AFAP1L1: variants seen among roughly 807,000 people sequenced by gnomAD.
AFAP1L1 encodes actin filament associated protein 1 like 1, also known as actin filament-associated protein 1-like 1.
AFAP1L1 carries 77 observed loss-of-function variants against 99.8 expected under a neutral mutation model. That is an observed-to-expected ratio of 0.77 (90% CI 0.64 to 0.93). The LOEUF is 0.93. AFAP1L1 is among the 40% of genes least tolerant of loss of function. The pLI, the probability that AFAP1L1 is intolerant of heterozygous loss-of-function variation, is 0.00. For missense variants in AFAP1L1, 893 were observed against 996.8 expected, an observed-to-expected ratio of 0.90 and a Z score of 1.40; for synonymous variants, 373 against 395.3, an observed-to-expected ratio of 0.94 and a Z score of 0.67.
intron 18 of AFAP1L1, among the ~76,000 whole-genome samples, chr5:149,338,559 C>T (rs1212072385): frequency 6.6e-6 from 1 of 152,170 alleles, no homozygotes; most frequent in African/African-American, 2.4e-5. Context: ...TTTATTCTTT[C>T]CTACAGTTAG....
At chr5:149,314,342 G>A (rs1308914671) in intron 9 of AFAP1L1, among the ~76,000 whole-genome samples, 2 of 152,194 alleles carry the variant, frequency 1.3e-5, no homozygotes, top group Admixed American at 6.5e-5. Flanking sequence ...TGAAAGATGT[G>A]TAGAGGGGAA....
At chr5:149,304,482 T>C (rs168465) in intron 5 of AFAP1L1, among the ~76,000 whole-genome samples, 140,708 of 152,244 alleles carry the variant, frequency 0.92, 65,116 homozygotes, top group East Asian at 1. Context: ...CTATATGGGG[T>C]TCCTTCACCT....
intron 9 of AFAP1L1, among the ~76,000 whole-genome samples, chr5:149,313,281 A>G (rs1756694266): frequency 6.6e-6 from 1 of 152,214 alleles, no homozygotes; most frequent in Admixed American, 6.5e-5. Context: ...TCCTCCCCTT[A>G]AGGAGATTAC....
intron 3 of AFAP1L1, 123 bp from the exon 4 acceptor site, chr5:149,301,010 T>C (rs934075770): frequency 2.8e-6 from 2 of 710,220 alleles, no homozygotes; most frequent in Admixed American, 4.4e-5. Context: ...TTAGGGTTAC[T>C]AACGGAGGGG....
intron 5 of AFAP1L1, among the ~76,000 whole-genome samples, chr5:149,305,766 G>A (rs1756385627): frequency 6.6e-6 from 1 of 152,126 alleles, no homozygotes; most frequent in African/African-American, 2.4e-5. Context: ...GGAAGTAAGA[G>A]GAAGGGCTGA....
chr5:149,279,233 AAC>A (rs1192050729), intron 1 of AFAP1L1, among the ~76,000 whole-genome samples: 5 of 152,242 alleles, frequency 3.3e-5, no homozygotes, highest in African/African-American at 1.2e-4. Flanking sequence ...AAGGAGATTA[AAC>A]AGAGGCCAGT....
intron 8 of AFAP1L1, 75 bp downstream of exon 8, chr5:149,310,210 G>A: frequency 4.1e-6 from 6 of 1,466,464 alleles, no homozygotes. Flanking sequence ...AGTAGAGCTG[G>A]CTCCTGTCCC....
At chr5:149,338,655 C>T (rs1757474231) in intron 18 of AFAP1L1, among the ~76,000 whole-genome samples, 1 of 152,266 alleles carries the variant, frequency 6.6e-6, no homozygotes, top group Admixed American at 6.5e-5. Flanking sequence ...CAAAAAAGTC[C>T]CTGGTCTCAT....
chr5:149,333,324 G>C (rs1467475614), intron 17 of AFAP1L1, among the ~76,000 whole-genome samples: 1 of 152,196 alleles, frequency 6.6e-6, no homozygotes, highest in Non-Finnish European at 1.5e-5. Context: ...ACTTGCTCAA[G>C]GTCACTCCAT....
chr5:149,280,317 G>A (rs1755476084), intron 1 of AFAP1L1, among the ~76,000 whole-genome samples: 1 of 152,084 alleles, frequency 6.6e-6, no homozygotes, highest in African/African-American at 2.4e-5. Flanking sequence ...TCCTGTTTCT[G>A]CTCTTGCCCT....
At chr5:149,294,061 A>G (rs1755945932) in intron 1 of AFAP1L1, among the ~76,000 whole-genome samples, 1 of 152,154 alleles carries the variant, frequency 6.6e-6, no homozygotes, top group African/African-American at 2.4e-5. Flanking sequence ...ATAACTAATG[A>G]TATTTTTTTA....
intron 12 of AFAP1L1, 58 bp downstream of exon 12, chr5:149,317,998 T>C: frequency 6.6e-7 from 1 of 1,526,176 alleles, no homozygotes; most frequent in East Asian, 2.5e-5. Flanking sequence ...GGCCTGAGTG[T>C]CATGTTTTTG....
chr5:149,301,245 G>A lies in AFAP1L1; in HGVS notation c.327+15G>A, dbSNP rs1756200355. On this transcript the variant is annotated intron_variant, in intron 4 of 18. Transcript: ENST00000296721. ...GCCTGAGAAACGTGAGTCATGGCCT[G>A]GGTTCCCACACCTCAGGGCCTCTGT... The A allele has an allele frequency of 1.2e-6, 2 of 1,612,432 alleles. No individual in the cohort carries two copies. Among genetic ancestry groups the A allele is most frequent in the African/African-American group, 1.3e-5 (1 of 74,874 alleles).
chr5:149,328,019 A>T (rs1757144210), intron 15 of AFAP1L1, among the ~76,000 whole-genome samples: 1 of 152,268 alleles, frequency 6.6e-6, no homozygotes, highest in South Asian at 2.1e-4. Flanking sequence ...AATACCAAAG[A>T]CAAGGAAAAA....
At chr5:149,330,027 G>A (rs898980051) in intron 16 of AFAP1L1, among the ~76,000 whole-genome samples, 197 bp downstream of exon 16, 1 of 151,962 alleles carries the variant, frequency 6.6e-6, no homozygotes, top group Admixed American at 6.5e-5. Flanking sequence ...ATTAAAGAAA[G>A]TGCCATCAAT....
intron 2 of AFAP1L1, 146 bp from the exon 3 acceptor site, chr5:149,300,125 G>C (rs1165904447): frequency 1.7e-6 from 1 of 598,170 alleles, no homozygotes; most frequent in African/African-American, 1.9e-5. Flanking sequence ...CTAAAACAAA[G>C]TTTGAAAACC....
At chr5:149,328,131 T>C (rs1409918805) in intron 15 of AFAP1L1, among the ~76,000 whole-genome samples, 2 of 152,164 alleles carry the variant, frequency 1.3e-5, no homozygotes, top group African/African-American at 4.8e-5. Flanking sequence ...CAGAAGGCCC[T>C]CCATGCTGTA....
intron 1 of AFAP1L1, among the ~76,000 whole-genome samples, chr5:149,292,832 C>A (rs1041540154): frequency 7.9e-5 from 12 of 152,184 alleles, no homozygotes; most frequent in Non-Finnish European, 1.6e-4. Flanking sequence ...GAGATGGGGG[C>A]AGCTTAGGAA....
At chr5:149,272,088 G>A in intron 1 of AFAP1L1, 104 bp downstream of exon 1, 1 of 1,147,542 alleles carries the variant, frequency 8.7e-7, no homozygotes, top group Non-Finnish European at 1.1e-6. Context: ...GGGCGGTGGG[G>A]CGGGGGCTGA....
Sources: allele counts gnomAD v4.1 joint callset (sites outside exome capture counted in the v4.1 genomes callset), GRCh38; gene constraint gnomAD v4.1.1; transcripts MANE v1.5; gene names NCBI Gene and HGNC (gene_info 2026-07-23, HGNC 2026-07-21).